ACTR3C: variants seen among roughly 807,000 people sequenced by gnomAD.
ACTR3C encodes actin related protein 3C, also known as actin-related protein 3C.
ACTR3C carries 18 observed loss-of-function variants against 26.3 expected under a neutral mutation model. The observed-to-expected ratio is 0.68, with a 90% CI of 0.47 to 1.01. The LOEUF is 1.01. Among genes scored for constraint, ACTR3C ranks in the 50% least tolerant of loss-of-function variants. ACTR3C has a pLI of 0.00. For synonymous variants in ACTR3C, 55 were observed against 94.5 expected (o/e 0.58, Z 2.42); for missense variants, 184 against 250.7 (o/e 0.73, Z 1.80).
At chr7:149,992,707 C>G in the ACTR3C span, among the ~76,000 whole-genome samples, 1 of 152,082 alleles carries the variant, frequency 6.6e-6, no homozygotes, top group Admixed American at 6.6e-5. Context: ...GGTGGGCAAC[C>G]GTATTGGTCA....
At chr7:150,300,221 C>T (rs1196924863) in intron 1 of ACTR3C, among the ~76,000 whole-genome samples, 3 of 151,990 alleles carry the variant, frequency 2.0e-5, no homozygotes, top group Admixed American at 6.6e-5. Context: ...CTTGGTGGCA[C>T]ATACCTGTAG....
the ACTR3C span, chr7:150,047,614 C>G: frequency 3.8e-6 from 4 of 1,046,950 alleles, no homozygotes; most frequent in Non-Finnish European, 4.6e-6. Context: ...CTTACGTCCT[C>G]CTTGTCACCA....
intron 6 of ACTR3C, among the ~76,000 whole-genome samples, chr7:150,282,129 C>T (rs1207474913): frequency 2.1e-5 from 3 of 143,032 alleles, no homozygotes; most frequent in Non-Finnish European, 3.0e-5. Context: ...GCCCACCAAA[C>T]ATTCTATCAC....
At chr7:150,093,420 G>A in the ACTR3C span, among the ~76,000 whole-genome samples, 1 of 151,204 alleles carries the variant, frequency 6.6e-6, no homozygotes, top group Non-Finnish European at 1.5e-5. Flanking sequence ...GAGTGAATGT[G>A]GGATTCTTTT....
chr7:150,018,199 C>G, the ACTR3C span, among the ~76,000 whole-genome samples: 1 of 150,060 alleles, frequency 6.7e-6, no homozygotes, highest in East Asian at 1.9e-4. Flanking sequence ...GCATGCACCA[C>G]AAAGCCTGGC....
chr7:149,889,416 T>C, the ACTR3C span, among the ~76,000 whole-genome samples: 4 of 152,176 alleles, frequency 2.6e-5, no homozygotes, highest in African/African-American at 9.7e-5. Flanking sequence ...GGCATCCAGA[T>C]TATATAAACA....
chr7:150,127,228 C>G, the ACTR3C span, among the ~76,000 whole-genome samples: 1 of 151,736 alleles, frequency 6.6e-6, no homozygotes, highest in Non-Finnish European at 1.5e-5. Flanking sequence ...GCCGGATTCC[C>G]CACCAGACTC....
the ACTR3C span, among the ~76,000 whole-genome samples, chr7:150,038,516 G>A: frequency 2.8e-5 from 4 of 144,386 alleles, no homozygotes; most frequent in African/African-American, 1.1e-4. Flanking sequence ...ACTGCAGTTT[G>A]GGATCCACAG....
intron 1 of ACTR3C, among the ~76,000 whole-genome samples, chr7:150,318,157 T>C (rs1797125835): frequency 6.6e-6 from 1 of 152,150 alleles, no homozygotes; most frequent in Admixed American, 6.5e-5. Flanking sequence ...AAAGCATTAG[T>C]CATTTGTATC....
At chr7:150,047,630 C>T in the ACTR3C span, 1 of 1,046,634 alleles carries the variant, frequency 9.6e-7, no homozygotes, top group Middle Eastern at 4.4e-4. Context: ...CACCATCGCT[C>T]CGCGCCTGGT....
the ACTR3C span, among the ~76,000 whole-genome samples, chr7:150,170,456 C>T: frequency 3.3e-5 from 5 of 150,152 alleles, no homozygotes; most frequent in South Asian, 2.1e-4. Context: ...ATGATATACA[C>T]GGAGTACTGC....
At chr7:150,158,980 C>CACACA in the ACTR3C span, among the ~76,000 whole-genome samples, 4 of 148,622 alleles carry the variant, frequency 2.7e-5, no homozygotes, top group East Asian at 4.1e-4. Flanking sequence ...CACACAGGCA[C>CACACA]GCACACACGC....
chr7:150,119,914 C>G, the ACTR3C span, among the ~76,000 whole-genome samples: 1 of 152,280 alleles, frequency 6.6e-6, no homozygotes, highest in East Asian at 1.9e-4. Context: ...CAAATTAGAA[C>G]TCAGGATTAA....
the ACTR3C span, among the ~76,000 whole-genome samples, chr7:149,969,646 T>C: frequency 6.6e-6 from 1 of 152,248 alleles, no homozygotes. Context: ...CCCTTTTCTC[T>C]TGGAAAATAT....
chr7:149,965,642 C>A, the ACTR3C span, among the ~76,000 whole-genome samples: 4 of 152,214 alleles, frequency 2.6e-5, no homozygotes, highest in Non-Finnish European at 5.9e-5. Context: ...TCAGTCACAA[C>A]TGACGTTCCT....
chr7:149,900,012 C>G, the ACTR3C span, among the ~76,000 whole-genome samples: 1 of 140,564 alleles, frequency 7.1e-6, no homozygotes, highest in East Asian at 2.1e-4. Context: ...AACTGTCCAT[C>G]CAGAATTCTA....
the ACTR3C span, among the ~76,000 whole-genome samples, chr7:150,211,359 G>A: frequency 1.3e-5 from 2 of 150,806 alleles, no homozygotes; most frequent in African/African-American, 2.5e-5. Context: ...CTTGGTCACT[G>A]CAACCTCTAC....
intron 1 of ACTR3C, among the ~76,000 whole-genome samples, chr7:150,319,718 A>G (rs183158693): frequency 2.6e-4 from 39 of 152,294 alleles, no homozygotes; most frequent in Non-Finnish European, 4.6e-4. Flanking sequence ...GCATTTTAAA[A>G]CACTGTTGGG....
the ACTR3C span, among the ~76,000 whole-genome samples, chr7:150,036,329 T>A: frequency 4.0e-3 from 587 of 147,892 alleles, 1 homozygote; most frequent in African/African-American, 0.014. Context: ...GGGGCCATCC[T>A]TTAGCAACCC....
Sources: gnomAD v4.1 joint callset for allele counts (sites outside exome capture counted in the v4.1 genomes callset) on GRCh38, gnomAD v4.1.1 for gene constraint, MANE v1.5 for transcripts, NCBI Gene and HGNC (gene_info 2026-07-23, HGNC 2026-07-21) for gene names.